Variants in ARSB observed in about 807,000 individuals in gnomAD.
ARSB encodes the protein N-acetylgalactosamine-4-sulfatase.
In ARSB, 41 loss-of-function variants were observed where a neutral mutation model predicts 50.9. The observed-to-expected ratio is 0.81, with a 90% CI of 0.63 to 1.04. The LOEUF (loss-of-function observed/expected upper bound fraction) is 1.04, where lower values mean the gene tolerates loss of function less well. Among genes scored for constraint, ARSB ranks in the 50% least tolerant of loss-of-function variants. The probability of loss-of-function intolerance (pLI) is 0.00; values close to 1 mark genes in which losing one functional copy is unlikely to be tolerated. For synonymous variants in ARSB, 269 were observed against 284.8 expected (o/e 0.94, Z 0.56); for missense variants, 672 against 693.3 (o/e 0.97, Z 0.35).
At chr5:78,935,135 A>G (rs1004221626) in intron 4 of ARSB, among the ~76,000 whole-genome samples, 1 of 152,152 alleles carries the variant, frequency 6.6e-6, no homozygotes, top group Non-Finnish European at 1.5e-5. Context: ...ATCATATCCA[A>G]TAGCTTGCAT....
chr5:78,856,724 C>T (rs993903332), intron 5 of ARSB, among the ~76,000 whole-genome samples: 2 of 151,986 alleles, frequency 1.3e-5, no homozygotes, highest in Non-Finnish European at 2.9e-5. Flanking sequence ...TCTCTCTCTA[C>T]ACACACACAC....
chr5:78,863,217 G>C (rs1746535552), intron 5 of ARSB, among the ~76,000 whole-genome samples: 1 of 152,128 alleles, frequency 6.6e-6, no homozygotes, highest in Admixed American at 6.5e-5. Flanking sequence ...CAAGGATCTA[G>C]AACTAGAAAA....
chr5:78,858,012 C>T (rs1030718761), intron 5 of ARSB, among the ~76,000 whole-genome samples: 1 of 152,180 alleles, frequency 6.6e-6, no homozygotes, highest in Non-Finnish European at 1.5e-5. Flanking sequence ...CTTGGCATGG[C>T]ATGGTTAAGT....
At chr5:78,899,170 A>C (rs1748696333) in intron 4 of ARSB, among the ~76,000 whole-genome samples, 2 of 152,170 alleles carry the variant, frequency 1.3e-5, no homozygotes, top group South Asian at 4.1e-4. Flanking sequence ...TCCTTAGAGT[A>C]ATCCGTTGCC....
At chr5:78,791,546 C>T (rs986743510) in intron 6 of ARSB, among the ~76,000 whole-genome samples, 5 of 152,214 alleles carry the variant, frequency 3.3e-5, no homozygotes, top group African/African-American at 1.2e-4. Flanking sequence ...CCCAGATCAG[C>T]GCACCCAGGC....
intron 4 of ARSB, among the ~76,000 whole-genome samples, chr5:78,889,037 C>A (rs60119361): frequency 0.026 from 3,965 of 152,304 alleles, 152 homozygotes; most frequent in African/African-American, 0.087. Context: ...CCTTGTACCC[C>A]CACAGATGGC....
chr5:78,861,045 T>G (rs1208492190), intron 5 of ARSB, among the ~76,000 whole-genome samples: 1 of 152,024 alleles, frequency 6.6e-6, no homozygotes, highest in Non-Finnish European at 1.5e-5. Context: ...ACACACACCC[T>G]CCCAAGACTA....
chr5:78,804,357 C>T (rs1743493603), intron 6 of ARSB, among the ~76,000 whole-genome samples: 1 of 152,154 alleles, frequency 6.6e-6, no homozygotes, highest in African/African-American at 2.4e-5. Flanking sequence ...CACCCTATCA[C>T]TGAGGTTAGA....
intron 4 of ARSB, among the ~76,000 whole-genome samples, chr5:78,944,741 A>T (rs1456096631): frequency 6.6e-6 from 1 of 152,184 alleles, no homozygotes; most frequent in African/African-American, 2.4e-5. Flanking sequence ...CCACTTGAGG[A>T]GGCAGTCTGT....
Position 78,984,929 on chromosome 5 carries a change from C to CGCGGGCGG in ARSB, c.312+7_312+8insCCGCCCGC. On this transcript the variant is annotated splice_region_variant and intron_variant, in intron 1 of 7. Coordinates refer to ENST00000264914, the MANE Select transcript of ARSB (RefSeq NM_000046.5). Reference sequence around the variant, plus strand: ...GGGGGCGGCGCGGGCGGCGGGGGCGCCGCGTACCTGGTAGCGGCCAGTGAG... The same window carrying CGCGGGCGG: ...GGGGGCGGCGCGGGCGGCGGGGGCGCGCGGGCGGCGCGTACCTGGTAGCGGCCAGTGAG... 7.4e-7 allele frequency: 1 copy of CGCGGGCGG among 1,356,636 alleles called. No homozygotes were observed. The highest frequency in any genetic ancestry group is 9.5e-7 in the Non-Finnish European group (1 of 1,053,574). 84.0% of individuals were successfully genotyped at this position (1,356,636 alleles called of 1,614,324 possible). A position where few individuals can be genotyped will look rare whatever the true frequency, so the allele number is the denominator to read the frequency against.
intron 6 of ARSB, among the ~76,000 whole-genome samples, chr5:78,808,989 G>C (rs954248691): frequency 6.6e-6 from 1 of 152,224 alleles, no homozygotes; most frequent in Admixed American, 6.5e-5. Context: ...GAAATCTACA[G>C]GCTTTCATCT....
chr5:78,835,406 G>A (rs1216051391), intron 6 of ARSB, among the ~76,000 whole-genome samples: 1 of 152,118 alleles, frequency 6.6e-6, no homozygotes, highest in Non-Finnish European at 1.5e-5. Context: ...AATCTCCTGG[G>A]AAGTGCGTAA....
intron 4 of ARSB, among the ~76,000 whole-genome samples, chr5:78,930,697 T>C (rs1750284103): frequency 6.6e-6 from 1 of 152,240 alleles, no homozygotes; most frequent in South Asian, 2.1e-4. Context: ...GAAGGCAGAA[T>C]TTCTGTATAC....
intron 4 of ARSB, among the ~76,000 whole-genome samples, chr5:78,934,650 C>T (rs978575552): frequency 1.3e-5 from 2 of 151,810 alleles, no homozygotes; most frequent in South Asian, 2.1e-4. Context: ...ATTTGGCAGG[C>T]GTGATGGTGG....
intron 4 of ARSB, among the ~76,000 whole-genome samples, chr5:78,937,887 A>G (rs1346849885): frequency 2.0e-5 from 3 of 152,204 alleles, no homozygotes; most frequent in East Asian, 3.8e-4. Context: ...GCAGAACTCA[A>G]ACATGAGGAT....
intron 6 of ARSB, among the ~76,000 whole-genome samples, chr5:78,822,895 C>A (rs2112678540): frequency 6.6e-6 from 1 of 152,320 alleles, no homozygotes; most frequent in East Asian, 1.9e-4. Flanking sequence ...CTCGGCCTCC[C>A]AAAGTGCTGG....
At chr5:78,907,040 C>A (rs1461493690) in intron 4 of ARSB, among the ~76,000 whole-genome samples, 1 of 152,114 alleles carries the variant, frequency 6.6e-6, no homozygotes, top group African/African-American at 2.4e-5. Flanking sequence ...GCAACATCCA[C>A]AGAAAGCATA....
chr5:78,909,233 AT>A (rs1170113571), intron 4 of ARSB, among the ~76,000 whole-genome samples: 5 of 151,402 alleles, frequency 3.3e-5, no homozygotes, highest in African/African-American at 4.9e-5. Context: ...ATGCTCACAC[AT>A]TTTTTTTTCC....
intron 6 of ARSB, among the ~76,000 whole-genome samples, chr5:78,810,055 A>G (rs566636189): frequency 1.3e-5 from 2 of 152,350 alleles, no homozygotes; most frequent in Admixed American, 6.5e-5. Context: ...ACAGCTCCAA[A>G]GCTCATCTGG....
Sources: allele counts gnomAD v4.1 joint callset (sites outside exome capture counted in the v4.1 genomes callset), GRCh38; gene constraint gnomAD v4.1.1; transcripts MANE v1.5; gene names NCBI Gene and HGNC (gene_info 2026-07-23, HGNC 2026-07-21).